Variants in USP42 observed in about 807,000 individuals in gnomAD.
The protein encoded by USP42 is ubiquitin carboxyl-terminal hydrolase 42.
Under a neutral mutation model 113.0 loss-of-function variants are expected in USP42, and 23 were observed. The observed-to-expected ratio is 0.20, with a 90% CI of 0.15 to 0.29. The LOEUF is 0.29. USP42 is among the 10% of genes least tolerant of loss of function. USP42 has a pLI of 1.00. For missense variants in USP42, 2,174 were observed against 1,779.8 expected, an observed-to-expected ratio of 1.22 and a Z score of -3.99; for synonymous variants, 933 against 699.0, an observed-to-expected ratio of 1.33 and a Z score of -5.28.
chr7:6,141,196 C>CTTTTTTTTTTTTTTTTTTTTT (rs199589142), intron 7 of USP42, among the ~76,000 whole-genome samples: 3 of 131,872 alleles, frequency 2.3e-5, no homozygotes, highest in South Asian at 2.4e-4. Context: ...TTTTCTTTTT[C>CTTTTTTTTTTTTTTTTTTTTT]TTTTCTTTTT....
upstream of USP42, among the ~76,000 whole-genome samples, chr7:6,104,560 C>G (rs761169802): frequency 3.3e-5 from 5 of 152,242 alleles, no homozygotes; most frequent in Non-Finnish European, 5.9e-5. Context: ...GGAAACGCAT[C>G]TGGGGTCAAG....
chr7:6,132,291 A>ACTTTTTT (rs1780893753), intron 3 of USP42, among the ~76,000 whole-genome samples: 1 of 152,162 alleles, frequency 6.6e-6, no homozygotes, highest in South Asian at 2.1e-4. Flanking sequence ...GTGCCTGATA[A>ACTTTTTT]GAAGTCTGTT....
At position 6,161,084 on chromosome 7, in the gene USP42, TTC is replaced by T. The variant is rs558552064; in HGVS notation, c.*568_*569del. On this transcript the variant is annotated 3_prime_UTR_variant, in exon 18 of 18. Transcript: ENST00000306177. ...TTTGAAGATGTATTTTATAGACAAG[TTC>T]TGTTTTTGAACTTTGTGGAACTGTT... is the stretch of plus-strand genomic sequence containing the variant. 7.1e-4 allele frequency: 108 copies of T among 152,770 alleles called. No individual in the cohort carries two copies. The highest frequency in any genetic ancestry group is 1.2e-3 in the Non-Finnish European group (79 of 68,044). 9.5% of individuals were successfully genotyped at this position (152,770 alleles called of 1,614,324 possible). A position where few individuals can be genotyped will look rare whatever the true frequency, so the allele number is the denominator to read the frequency against.
At position 6,139,322 on chromosome 7, in the gene USP42, T is replaced by G; in HGVS notation, c.656+128T>G. The G allele has an allele frequency of 1.5e-6, 1 of 654,516 alleles. No individual in the cohort carries two copies. The highest frequency in any genetic ancestry group is 2.5e-6 in the Non-Finnish European group (1 of 408,122). 40.5% of individuals were successfully genotyped at this position (654,516 alleles called of 1,614,324 possible). ...ACAGTGTTCACTTTACCTTTTGGCT[T>G]TGCTCTGCCTCTTCCTTAGGTGATG... On this transcript the variant is annotated intron_variant, in intron 5 of 17. Coordinates refer to ENST00000306177, the MANE Select transcript of USP42 (RefSeq NM_032172.3). The surrounding 1 kb of genome is among the most constrained non-coding windows in gnomAD (Gnocchi z 4.5).
At chr7:6,096,932 C>CT in the USP42 span, among the ~76,000 whole-genome samples, 76,990 of 141,960 alleles carry the variant, frequency 0.54, 22,890 homozygotes, top group East Asian at 0.89. Context: ...TCTTTCTTTT[C>CT]TTTTTTTTTT....
chr7:6,122,881 T>TGCAA (rs1209053487), intron 3 of USP42, among the ~76,000 whole-genome samples: 1 of 151,732 alleles, frequency 6.6e-6, no homozygotes, highest in Non-Finnish European at 1.5e-5. Flanking sequence ...TAGAGTGCAG[T>TGCAA]GGTATGATCT....
chr7:6,115,609 C>T (rs1466644961), intron 3 of USP42, 86 bp downstream of exon 3: 1 of 1,460,582 alleles, frequency 6.8e-7, no homozygotes. Flanking sequence ...AAGAATTAAT[C>T]CAAGAGTGCT....
At chr7:6,097,484 G>A in the USP42 span, among the ~76,000 whole-genome samples, 18 of 141,892 alleles carry the variant, frequency 1.3e-4, no homozygotes, top group East Asian at 4.3e-4. Flanking sequence ...ATAGCTCACC[G>A]CAGCCTCCAA....
intron 9 of USP42, 41 bp from the exon 10 acceptor site, chr7:6,145,475 G>A: frequency 6.2e-7 from 1 of 1,612,946 alleles, no homozygotes; most frequent in Non-Finnish European, 8.5e-7. Flanking sequence ...GGAATGATCT[G>A]TGCCCTCGGA....
intron 3 of USP42, among the ~76,000 whole-genome samples, chr7:6,123,937 A>G (rs1160016348): frequency 2.7e-5 from 4 of 150,786 alleles, no homozygotes; most frequent in Admixed American, 6.6e-5. Context: ...GTGCACTGGC[A>G]TGATCTTGGC....
At chr7:6,123,960 C>CT (rs1216138002) in intron 3 of USP42, among the ~76,000 whole-genome samples, 1 of 151,554 alleles carries the variant, frequency 6.6e-6, no homozygotes, top group African/African-American at 2.4e-5. Context: ...ACTGGAAACT[C>CT]TGCCTCCTGG....
Position 6,115,324 on chromosome 7 carries a change from C to A in USP42, c.243C>A (p.Ala81=). The change falls in exon 3 of 18, where the codon GCC becomes GCA. Residue 81 remains alanine (A), a splice_region_variant and synonymous_variant. Coordinates refer to ENST00000306177, the MANE Select transcript of USP42 (RefSeq NM_032172.3). ...KSKPSPQKDQ[A]LGDGIAPPQK... ...ACTCTTTCTTGTTTATTTTTCTAGC[C>A]CTAGGTGATGGCATCGCTCCTCCAC... 6.2e-7 allele frequency: 1 copy of A among 1,613,752 alleles called. No homozygotes were observed. The highest frequency in any genetic ancestry group is 8.5e-7 in the Non-Finnish European group (1 of 1,179,848).
chr7:6,138,114 AC>A (rs1781247613), intron 4 of USP42, among the ~76,000 whole-genome samples: 1 of 152,248 alleles, frequency 6.6e-6, no homozygotes, highest in African/African-American at 2.4e-5. Context: ...TGAAGTTGTC[AC>A]GTTTGTAGGT....
In USP42 at chr7:6,111,347, T is replaced by C. The variant is rs1779585996; in HGVS notation, c.214T>C (p.Ser72Pro). The C allele has an allele frequency of 3.1e-6, 5 of 1,611,348 alleles. No individual in the cohort carries two copies. The highest frequency in any genetic ancestry group is 4.2e-6 in the Non-Finnish European group (5 of 1,178,690). The change falls in exon 2 of 18, where the codon TCA (serine) becomes CCA (proline). Residue 72 changes from serine to proline, a missense_variant. Physicochemically the swap from Ser to Pro is moderately conservative, Grantham distance 74. Coordinates refer to ENST00000306177, the MANE Select transcript of USP42 (RefSeq NM_032172.3). ...TTCGAGTTCATCTGTACCTGATAAATCAAAACCATCACCACAAAAGGATCA... is the reference window on the plus strand; with the variant it reads ...TTCGAGTTCATCTGTACCTGATAAACCAAAACCATCACCACAAAAGGATCA... ...VYSSSSVPDK[S>P]KPSPQKDQAL...
At chr7:6,120,168 G>A (rs1434094230) in intron 3 of USP42, among the ~76,000 whole-genome samples, 1 of 152,182 alleles carries the variant, frequency 6.6e-6, no homozygotes, top group Non-Finnish European at 1.5e-5. Context: ...GTTTCACTGT[G>A]TTAGCCAGGA....
rs1282255233 is a variant in USP42 at position 6,111,180 on chromosome 7, A to G, written c.47A>G (p.Tyr16Cys). The change falls in exon 2 of 18, where the codon TAT becomes TGT. Residue 16 changes from tyrosine to cysteine, a missense_variant. Physicochemically the swap from Tyr to Cys is radical, Grantham distance 194. Transcript: ENST00000306177. ...TCTGAATCTTCAGACCCATCAGCCT[A>G]TCAGAATCAGCCTGGCAGCTCCGAG... ...KASESSDPSAYQNQPGSSEAV... is the reference protein window; with the variant it reads ...KASESSDPSACQNQPGSSEAV... 1 of 1,613,226 alleles carries G rather than the reference A, an allele frequency of 6.2e-7. No homozygotes were observed. The highest frequency in any genetic ancestry group is 2.2e-5 in the East Asian group (1 of 44,882).
At chr7:6,092,482 A>G in the USP42 span, among the ~76,000 whole-genome samples, 2 of 151,122 alleles carry the variant, frequency 1.3e-5, no homozygotes, top group East Asian at 3.9e-4. Context: ...CCCGGCCTCA[A>G]GGACCTATTT....
chr7:6,120,943 C>G (rs1017910688), intron 3 of USP42, among the ~76,000 whole-genome samples: 26 of 151,968 alleles, frequency 1.7e-4, no homozygotes, highest in African/African-American at 6.0e-4. Context: ...TTTCAACTTA[C>G]TGATTGTTTA....
At chr7:6,126,255 G>A (rs1326908208) in intron 3 of USP42, among the ~76,000 whole-genome samples, 1 of 151,620 alleles carries the variant, frequency 6.6e-6, no homozygotes, top group Non-Finnish European at 1.5e-5. Context: ...TCATTGGTAG[G>A]TAGTATTTCA....
Sources: allele counts gnomAD v4.1 joint callset (sites outside exome capture counted in the v4.1 genomes callset), GRCh38; gene constraint gnomAD v4.1.1; non-coding constraint Gnocchi (gnomAD v3.1); transcripts MANE v1.5; gene names NCBI Gene and HGNC (gene_info 2026-07-23, HGNC 2026-07-21).